CDK5RAP3: variants seen among roughly 807,000 people sequenced by gnomAD.
The protein encoded by CDK5RAP3 is CDK5 regulatory subunit associated protein 3.
In CDK5RAP3, 58 loss-of-function variants were observed where a neutral mutation model predicts 73.3. The observed-to-expected ratio is 0.79, with a 90% CI of 0.64 to 0.98. The LOEUF is 0.98. Among genes scored for constraint, CDK5RAP3 ranks in the 50% least tolerant of loss-of-function variants. The probability of loss-of-function intolerance (pLI) is 0.00; values close to 1 mark genes in which losing one functional copy is unlikely to be tolerated. For missense variants in CDK5RAP3, 525 were observed against 615.8 expected (o/e 0.85, Z 1.56); for synonymous variants, 224 against 247.5 (o/e 0.91, Z 0.89).
intron 1 of CDK5RAP3, 91 bp downstream of exon 1, chr17:47,971,243 C>T (rs2036255056): frequency 6.5e-7 from 1 of 1,532,824 alleles, no homozygotes; most frequent in Non-Finnish European, 8.8e-7. Context: ...TCAACCCAGC[C>T]CATCGCTCTG....
At chr17:47,974,276 G>A in intron 4 of CDK5RAP3, 124 bp from the exon 5 acceptor site, 1 of 914,662 alleles carries the variant, frequency 1.1e-6, no homozygotes, top group Non-Finnish European at 1.8e-6. Context: ...GTTGAAAGAA[G>A]GACAAGGAGT....
upstream of CDK5RAP3, among the ~76,000 whole-genome samples, chr17:47,969,580 A>AAAAAAG (rs1567720961): frequency 3.0e-5 from 4 of 131,322 alleles, no homozygotes; most frequent in African/African-American, 8.8e-5. Context: ...AAAAAAAAAA[A>AAAAAAG]AAAAGAAAAG....
chr17:47,973,963 G>T lies in CDK5RAP3; in HGVS notation c.217G>T (p.Asp73Tyr). The T allele has an allele frequency of 6.2e-7, 1 of 1,614,086 alleles. No homozygotes were observed. The highest frequency in any genetic ancestry group is 8.5e-7 in the Non-Finnish European group (1 of 1,179,934). Residue 73 changes from aspartate to tyrosine, a missense_variant, in exon 4 of 14, where the codon GAC (aspartate) becomes TAC (tyrosine). Coordinates refer to ENST00000338399, the MANE Select transcript of CDK5RAP3 (RefSeq NM_176096.3). ...CTACTTTCACTGCCTAAGAATCCTG[G>T]ACCTTCTCAAAGGCACAGAGGCCTC... The part of the protein sequence containing the change: ...IHYFHCLRIL[D>Y]LLKGTEASTK...
upstream of CDK5RAP3, chr17:47,970,580 C>G: frequency 7.8e-7 from 1 of 1,276,520 alleles, no homozygotes; most frequent in Non-Finnish European, 1.1e-6. Flanking sequence ...TCTTCCTTCC[C>G]CTTCCCTGCC....
chr17:47,976,274 G>A lies in CDK5RAP3; in HGVS notation c.798+261G>A, dbSNP rs147779202. 9.4e-3 allele frequency among the ~76,000 whole-genome samples: 1,428 copies of A among 152,278 alleles called. 12 individuals carry two copies. Among genetic ancestry groups the A allele is most frequent in the Non-Finnish European group, 0.015 (1,052 of 68,016 alleles). On this transcript the variant is annotated intron_variant, in intron 8 of 13. Coordinates refer to ENST00000338399, the MANE Select transcript of CDK5RAP3 (RefSeq NM_176096.3). ...GCTCTCTGAAGATGGGCTTTCTTTG[G>A]GGTAGCTTAGAGGCCACTGCATTTG...
upstream of CDK5RAP3, among the ~76,000 whole-genome samples, chr17:47,968,927 A>G (rs1253652763): frequency 6.6e-6 from 1 of 152,180 alleles, no homozygotes; most frequent in Non-Finnish European, 1.5e-5. Flanking sequence ...CTGGGATTAC[A>G]GGCGTGAGCC....
In CDK5RAP3 at chr17:47,981,673, C is replaced by G; in HGVS notation, c.*171C>G. On this transcript the variant is annotated 3_prime_UTR_variant, in exon 14 of 14. Transcript: ENST00000338399. ...ATCTTGGCACTCTCCATGTTCTCTACAAGAAGCTGTGGTGATTGGCCCTGT... is the reference window on the plus strand; with the variant it reads ...ATCTTGGCACTCTCCATGTTCTCTAGAAGAAGCTGTGGTGATTGGCCCTGT... 1 of 1,538,302 alleles carries G rather than the reference C, an allele frequency of 6.5e-7. No individual in the cohort carries two copies. The highest frequency in any genetic ancestry group is 8.7e-7 in the Non-Finnish European group (1 of 1,146,938).
intron 11 of CDK5RAP3, chr17:47,979,360 G>A (rs1051684944): frequency 1.2e-5 from 2 of 161,662 alleles, no homozygotes; most frequent in African/African-American, 2.4e-5. Flanking sequence ...CTGTAATCAA[G>A]ACTGCAGGCG....
chr17:47,971,201 A>T lies in CDK5RAP3; in HGVS notation c.6+49A>T, dbSNP rs1371297619. On this transcript the variant is annotated intron_variant, in intron 1 of 13. Transcript: ENST00000338399. ...GCTGGGGACTGGCCGCGGACCCCTA[A>T]CCTGTGTCTCCGGTCTCCCTCCGGA... 3 of 1,531,058 alleles carry T rather than the reference A, an allele frequency of 2.0e-6. No homozygotes were observed. In the South Asian group the frequency reaches 3.6e-5, roughly 19 times the overall value. The allele number at this position is 1,531,058 out of a possible 1,614,324, so 94.8% of individuals were successfully genotyped here.
rs750127845 is a variant in CDK5RAP3, at chr17:47,981,479, A to T, written c.1498A>T (p.Asn500Tyr). 2 of 1,614,212 alleles carry T rather than the reference A, an allele frequency of 1.2e-6. No individual in the cohort carries two copies. The highest frequency in any genetic ancestry group is 1.1e-5 in the South Asian group (1 of 91,082). Reference protein sequence around the residue: ...ISKRYSGRPVNLMGTSL With the variant: ...ISKRYSGRPVYLMGTSL The stretch of plus-strand genomic sequence containing the variant: ...CAAGAGGTACAGCGGGCGCCCTGTG[A>T]ACCTGATGGGAACCTCTCTGTGACA... The change falls in exon 14 of 14, where the codon AAC (asparagine) becomes TAC (tyrosine). Residue 500 changes from asparagine (N) to tyrosine (Y), a missense_variant. Around this residue, in one of 2 missense-constraint regions of CDK5RAP3, gnomAD observed 116 missense variants for 186.1 expected, o/e 0.62. Transcript: ENST00000338399.
At position 47,976,014 on chromosome 17, in the gene CDK5RAP3, G is replaced by GT. The variant is rs1325285091; in HGVS notation, c.798+2dup. 3.7e-6 allele frequency: 6 copies of GT among 1,613,638 alleles called. No individual in the cohort carries two copies. Among genetic ancestry groups the GT allele is most frequent in the Non-Finnish European group, 5.1e-6 (6 of 1,179,962 alleles). On this transcript the variant is annotated splice_donor_variant, in intron 8 of 13. Coordinates refer to ENST00000338399, the MANE Select transcript of CDK5RAP3 (RefSeq NM_176096.3). LOFTEE classifies it high-confidence loss of function. The stretch of plus-strand genomic sequence containing the variant: ...TCCTGAGCAGGTGGCAGAAGATGCG[G>GT]TAAGATGGGCCTTGTGATGAGCTGT...
chr17:47,981,291 A>T lies in CDK5RAP3; in HGVS notation c.1412A>T (p.Lys471Met), dbSNP rs772352807. 2.5e-6 allele frequency: 4 copies of T among 1,614,230 alleles called. No individual in the cohort carries two copies. Among genetic ancestry groups the T allele is most frequent in the Non-Finnish European group, 3.4e-6 (4 of 1,180,028 alleles). ...GAGGAGCAGGCGGCTCTGGAGCCTAAGCTGGACCTGCTACTGGAGAAGACC... is the reference window on the plus strand; with the variant it reads ...GAGGAGCAGGCGGCTCTGGAGCCTATGCTGGACCTGCTACTGGAGAAGACC... ...ALEEQAALEPKLDLLLEKTKE... is the reference protein window; with the variant it reads ...ALEEQAALEPMLDLLLEKTKE... Residue 471 changes from lysine to methionine, a missense_variant, in exon 13 of 14, where the codon AAG (lysine) becomes ATG (methionine). This residue lies in a region of CDK5RAP3 where 116 missense variants were observed against 186.1 expected (regional missense o/e 0.62). Transcript: ENST00000338399.
upstream of CDK5RAP3, chr17:47,970,433 C>A: frequency 1.9e-6 from 1 of 537,628 alleles, no homozygotes; most frequent in Non-Finnish European, 3.3e-6. Context: ...TTGCACCCCT[C>A]TTGCAGTTTG....
At position 47,973,081 on chromosome 17, in the gene CDK5RAP3, G is replaced by C. The variant is rs571375675; in HGVS notation, c.53-438G>C. Among the ~76,000 whole-genome samples the C allele has an allele frequency of 5.3e-5, 8 of 152,298 alleles. No individual in the cohort carries two copies. The South Asian group carries it at 1.7e-3, about 32-fold the overall frequency. ...TGTAGGTATTAGGGGCTTTGCAGCT[G>C]TTCATTCATCCAGTACTTGGCATAA... On this transcript the variant is annotated intron_variant, in intron 2 of 13. Coordinates refer to ENST00000338399, the MANE Select transcript of CDK5RAP3 (RefSeq NM_176096.3).
rs1405201924 is a variant in CDK5RAP3, at chr17:47,981,581, T to G, written c.*79T>G. The G allele has an allele frequency of 6.2e-7, 1 of 1,612,476 alleles. No individual in the cohort carries two copies. Among genetic ancestry groups the G allele is most frequent in the Non-Finnish European group, 8.5e-7 (1 of 1,179,670 alleles). On this transcript the variant is annotated 3_prime_UTR_variant, in exon 14 of 14. Transcript: ENST00000338399. ...AGCCAGGGCTGTTGTTTTGGGGCCC[T>G]TCAAGGCAAAAGACCAGGCTGACTG...
chr17:47,981,050 G>A, intron 12 of CDK5RAP3, 113 bp from the exon 13 acceptor site: 2 of 1,182,384 alleles, frequency 1.7e-6, no homozygotes, highest in South Asian at 2.9e-5. Context: ...AGGATGTGAG[G>A]GTAAGCGGCC....
At chr17:47,971,072 G>T, upstream of CDK5RAP3, 3 of 1,550,720 alleles carry the variant, frequency 1.9e-6, no homozygotes, top group Non-Finnish European at 2.6e-6. Flanking sequence ...ACGGAGGCTC[G>T]GCCACAACGC....
Position 47,973,618 on chromosome 17 carries a change from G to A in CDK5RAP3, c.152G>A (p.Ser51Asn). ...GCTGCCATCCAGGACATGCCAGAGAGCGAAGAGATCGCCCAGCTGCTGTCT... is the reference window on the plus strand; with the variant it reads ...GCTGCCATCCAGGACATGCCAGAGAACGAAGAGATCGCCCAGCTGCTGTCT... ...INAAIQDMPE[S>N]EEIAQLLSGS... The change falls in exon 3 of 14, where the codon AGC (serine) becomes AAC (asparagine). Residue 51 changes from serine to asparagine, a missense_variant. Coordinates refer to ENST00000338399, the MANE Select transcript of CDK5RAP3 (RefSeq NM_176096.3). The A allele has an allele frequency of 2.5e-6, 4 of 1,614,174 alleles. No homozygotes were observed. The highest frequency in any genetic ancestry group is 3.4e-6 in the Non-Finnish European group (4 of 1,180,042).
Position 47,976,854 on chromosome 17 carries a change from G to C in CDK5RAP3, c.909+32G>C, listed in dbSNP as rs141314934. ...AGGCCTTCTCAGTCTGTCTCTCTCT[G>C]ATCACTACTCTAACCATAAGAAAAG... On this transcript the variant is annotated intron_variant, in intron 9 of 13. Transcript: ENST00000338399. 123 of 1,345,478 alleles carry C rather than the reference G, an allele frequency of 9.1e-5. No individual in the cohort carries two copies. The African/African-American group carries it at 1.5e-3, about 17-fold the overall frequency. The allele number at this position is 1,345,478 out of a possible 1,614,324, so 83.3% of individuals were successfully genotyped here. A position where few individuals can be genotyped will look rare whatever the true frequency, so the allele number is the denominator to read the frequency against.
Sources: gnomAD v4.1 joint callset for allele counts (sites outside exome capture counted in the v4.1 genomes callset) on GRCh38, gnomAD v4.1.1 for gene constraint, gnomAD v4.1.1 regional missense constraint, MANE v1.5 for transcripts, NCBI Gene and HGNC (gene_info 2026-07-23, HGNC 2026-07-21) for gene names.